CCSER1: variants seen among roughly 807,000 people sequenced by gnomAD.
The protein encoded by CCSER1 is coiled-coil serine rich protein 1, also known as serine-rich coiled-coil domain-containing protein 1.
A neutral mutation model predicts 82.0 loss-of-function variants in CCSER1; 41 were observed. That is an observed-to-expected ratio of 0.50 (90% confidence interval 0.39 to 0.65). The LOEUF is 0.65. Among genes scored for constraint, CCSER1 ranks in the 30% least tolerant of loss-of-function variants. CCSER1 has a pLI of 0.00. For synonymous variants in CCSER1, 414 were observed against 383.9 expected, an observed-to-expected ratio of 1.08 and a Z score of -0.92; for missense variants, 1,119 against 1,064.2, an observed-to-expected ratio of 1.05 and a Z score of -0.72.
chr4:90,514,459 T>G (rs1771965384), intron 5 of CCSER1, among the ~76,000 whole-genome samples: 1 of 152,126 alleles, frequency 6.6e-6, no homozygotes, highest in Non-Finnish European at 1.5e-5. Flanking sequence ...AGATACAGTT[T>G]AGAAAACATT....
chr4:90,253,209 A>G (rs909396044), intron 1 of CCSER1, among the ~76,000 whole-genome samples: 1 of 152,062 alleles, frequency 6.6e-6, no homozygotes, highest in African/African-American at 2.4e-5. Flanking sequence ...ATTGTAAAAA[A>G]TAGCTTTTAA....
intron 6 of CCSER1, among the ~76,000 whole-genome samples, chr4:90,667,255 C>T (rs765071051): frequency 3.3e-5 from 5 of 152,164 alleles, no homozygotes; most frequent in African/African-American, 4.8e-5. Context: ...GATTCCTCAG[C>T]TGCACAGTGG....
At chr4:91,357,651 T>A (rs950532307) in intron 10 of CCSER1, among the ~76,000 whole-genome samples, 35 of 146,662 alleles carry the variant, frequency 2.4e-4, no homozygotes, top group South Asian at 1.9e-3. Context: ...ACATAAACTG[T>A]TTTTTTTAAT....
intron 10 of CCSER1, among the ~76,000 whole-genome samples, chr4:91,453,149 T>C (rs1755960825): frequency 6.6e-6 from 1 of 152,054 alleles, no homozygotes; most frequent in Admixed American, 6.6e-5. Context: ...ATTTAGAGTT[T>C]TGTTTGGTAG....
At chr4:90,373,669 C>T (rs1284004952) in intron 3 of CCSER1, among the ~76,000 whole-genome samples, 59 of 152,052 alleles carry the variant, frequency 3.9e-4, no homozygotes, top group Admixed American at 3.9e-3. Context: ...TTTGGGGGAA[C>T]ATTCTAGGTC....
chr4:90,535,272 C>T (rs1046657244), intron 5 of CCSER1, among the ~76,000 whole-genome samples: 1 of 151,850 alleles, frequency 6.6e-6, no homozygotes, highest in African/African-American at 2.4e-5. Context: ...TTTGGCAGAG[C>T]TTTGTTAGTA....
In CCSER1 at chr4:91,317,604, G is replaced by A. The variant is rs185216116; in HGVS notation, c.2217+231610G>A. Among the ~76,000 whole-genome samples the A allele has an allele frequency of 1.8e-4, 27 of 149,182 alleles. No homozygotes were observed. In the East Asian group the frequency reaches 5.0e-3, roughly 27 times the overall value. The stretch of plus-strand genomic sequence containing the variant: ...AAAGTATATACGTGTGTGTGTGTGC[G>A]TGTGTGTGTGTGTGCGCATGTGGGT... On this transcript the variant is annotated intron_variant, in intron 10 of 10. Coordinates refer to ENST00000509176, the MANE Select transcript of CCSER1 (RefSeq NM_001145065.2).
intron 10 of CCSER1, among the ~76,000 whole-genome samples, chr4:91,328,779 G>T (rs1746741516): frequency 2.6e-5 from 4 of 152,028 alleles, no homozygotes; most frequent in Admixed American, 2.6e-4. Context: ...ATATGGTTTG[G>T]CTGTGTCCTC....
intron 5 of CCSER1, among the ~76,000 whole-genome samples, chr4:90,610,973 G>A (rs1785393777): frequency 6.6e-6 from 1 of 151,260 alleles, no homozygotes; most frequent in Admixed American, 6.6e-5. Context: ...CCCCTTCCAG[G>A]TTCAAGCAAT....
chr4:90,849,731 G>A (rs1763619896), intron 8 of CCSER1, among the ~76,000 whole-genome samples: 1 of 149,424 alleles, frequency 6.7e-6, no homozygotes, highest in South Asian at 2.1e-4. Context: ...AGAGCTTGCA[G>A]TGAGCCGTGA....
intron 1 of CCSER1, among the ~76,000 whole-genome samples, chr4:90,156,345 T>C (rs546874304): frequency 6.6e-6 from 1 of 152,310 alleles, no homozygotes; most frequent in East Asian, 1.9e-4. Context: ...AAAATGTGTA[T>C]TCTGTTGATT....
chr4:91,297,307 C>T (rs982939004), intron 10 of CCSER1, among the ~76,000 whole-genome samples: 16 of 151,274 alleles, frequency 1.1e-4, no homozygotes, highest in Admixed American at 2.0e-4. Flanking sequence ...TAAACAGTTT[C>T]CCCAAAGAAA....
intron 10 of CCSER1, among the ~76,000 whole-genome samples, chr4:91,448,174 T>C (rs986319833): frequency 8.5e-5 from 13 of 152,130 alleles, no homozygotes; most frequent in African/African-American, 3.1e-4. Flanking sequence ...TTCCTTTTAG[T>C]ATTATCAACT....
intron 7 of CCSER1, among the ~76,000 whole-genome samples, chr4:90,772,983 G>T (rs1018599469): frequency 2.0e-5 from 3 of 152,088 alleles, no homozygotes; most frequent in Admixed American, 6.5e-5. Flanking sequence ...GCTTATGCCT[G>T]TAATCCTAGC....
intron 8 of CCSER1, among the ~76,000 whole-genome samples, chr4:90,896,802 G>C (rs1723782969): frequency 1.3e-5 from 2 of 151,842 alleles, no homozygotes; most frequent in African/African-American, 4.8e-5. Context: ...AATACTATTT[G>C]ATTAATTCTA....
intron 10 of CCSER1, among the ~76,000 whole-genome samples, chr4:91,531,476 C>T (rs900830417): frequency 2.6e-5 from 4 of 151,974 alleles, no homozygotes; most frequent in African/African-American, 9.7e-5. Context: ...TAAGAAAATA[C>T]CAAATTACAA....
intron 3 of CCSER1, among the ~76,000 whole-genome samples, chr4:90,365,370 C>T (rs1746107782): frequency 6.6e-6 from 1 of 151,632 alleles, no homozygotes; most frequent in Non-Finnish European, 1.5e-5. Flanking sequence ...TATATATGTG[C>T]ATATATACAT....
chr4:90,951,265 T>A (rs1732882207), intron 9 of CCSER1: 1 of 152,022 alleles, frequency 6.6e-6, no homozygotes, highest in Non-Finnish European at 1.5e-5. Flanking sequence ...GCTTTTCCTC[T>A]AGTACTCTTG....
intron 10 of CCSER1, among the ~76,000 whole-genome samples, chr4:91,382,907 G>C (rs1273694536): frequency 6.6e-6 from 1 of 151,966 alleles, no homozygotes; most frequent in African/African-American, 2.4e-5. Flanking sequence ...AGCAACCACA[G>C]CCCTGATTAA....
Sources: allele counts gnomAD v4.1 joint callset (sites outside exome capture counted in the v4.1 genomes callset), GRCh38; gene constraint gnomAD v4.1.1; transcripts MANE v1.5; gene names NCBI Gene and HGNC (gene_info 2026-07-23, HGNC 2026-07-21).